Variants in MYO6 observed in about 807,000 individuals in gnomAD.
The protein encoded by MYO6 is unconventional myosin-VI.
A neutral mutation model predicts 178.7 loss-of-function variants in MYO6; 74 were observed. The observed-to-expected ratio is 0.41, with a 90% confidence interval of 0.34 to 0.50. The LOEUF is 0.50. Among genes scored for constraint, MYO6 ranks in the 20% least tolerant of loss-of-function variants. MYO6 has a pLI of 0.09. For synonymous variants in MYO6, 477 were observed against 504.6 expected, an observed-to-expected ratio of 0.95 and a Z score of 0.73; for missense variants, 1,330 against 1,547.4, an observed-to-expected ratio of 0.86 and a Z score of 2.36.
chr6:75,853,168 C>G (rs1775429215), intron 11 of MYO6, among the ~76,000 whole-genome samples: 4 of 152,238 alleles, frequency 2.6e-5, no homozygotes, highest in Admixed American at 1.3e-4. Context: ...ATTCTTTGCC[C>G]ATTTATTAAT....
chr6:75,906,918 T>C (rs925787087), intron 30 of MYO6, among the ~76,000 whole-genome samples: 2 of 152,236 alleles, frequency 1.3e-5, no homozygotes, highest in South Asian at 2.1e-4. Flanking sequence ...AGTTTTCTTA[T>C]TACTTATGAG....
chr6:75,868,289 T>C (rs1401965997), intron 18 of MYO6, among the ~76,000 whole-genome samples: 2 of 151,870 alleles, frequency 1.3e-5, no homozygotes, highest in Non-Finnish European at 2.9e-5. Context: ...ATTATGAGTT[T>C]CTGATTCAGT....
intron 1 of MYO6, among the ~76,000 whole-genome samples, chr6:75,806,248 G>A (rs1266548440): frequency 6.6e-6 from 1 of 152,084 alleles, no homozygotes; most frequent in Non-Finnish European, 1.5e-5. Context: ...TTAGCTGGAT[G>A]TGGTGGCACA....
chr6:75,793,040 C>T (rs2150091486), intron 1 of MYO6, among the ~76,000 whole-genome samples: 1 of 152,170 alleles, frequency 6.6e-6, no homozygotes, highest in East Asian at 1.9e-4. Context: ...GATCCTCCCA[C>T]CTCAGTCTCC....
At chr6:75,843,928 A>G (rs1774479970) in intron 9 of MYO6, among the ~76,000 whole-genome samples, 1 of 152,096 alleles carries the variant, frequency 6.6e-6, no homozygotes, top group Admixed American at 6.5e-5. Context: ...GATGAGGTGT[A>G]TTTAATTTGG....
chr6:75,854,389 GA>G (rs1775561206), intron 11 of MYO6, among the ~76,000 whole-genome samples: 1 of 136,470 alleles, frequency 7.3e-6, no homozygotes, highest in South Asian at 2.4e-4. Flanking sequence ...AGTAAATAAG[GA>G]AAAGAGGAAG....
rs147629075 is a variant in MYO6, at chr6:75,866,717, G to A, written c.1770+96G>A. ...GTCACGTGGTTATTAATTATTTCAC[G>A]TGGTTATTTAAATTAAGTAAAATTA... On this transcript the variant is annotated intron_variant, in intron 17 of 34. Coordinates refer to ENST00000369977, the MANE Select transcript of MYO6 (RefSeq NM_004999.4). 1.9e-4 allele frequency: 226 copies of A among 1,218,464 alleles called. No individual in the cohort carries two copies. The African/African-American group carries it at 2.8e-3, about 15-fold the overall frequency. The allele number at this position is 1,218,464 out of a possible 1,614,324, so 75.5% of individuals were successfully genotyped here.
intron 1 of MYO6, among the ~76,000 whole-genome samples, chr6:75,773,488 T>G (rs552572227): frequency 8.7e-4 from 133 of 152,352 alleles, no homozygotes; most frequent in African/African-American, 3.0e-3. Context: ...AGTAGAAGGC[T>G]TGATCTTCAG....
At chr6:75,829,300 G>T (rs1003819559) in intron 4 of MYO6, among the ~76,000 whole-genome samples, 7 of 152,060 alleles carry the variant, frequency 4.6e-5, no homozygotes, top group Non-Finnish European at 5.9e-5. Flanking sequence ...GCATGCATGA[G>T]ACTTTATTCC....
intron 5 of MYO6, among the ~76,000 whole-genome samples, chr6:75,832,312 T>C (rs987968043): frequency 1.3e-5 from 2 of 152,230 alleles, no homozygotes; most frequent in African/African-American, 4.8e-5. Flanking sequence ...CCCACAGATA[T>C]AATCTAGGAA....
intron 1 of MYO6, among the ~76,000 whole-genome samples, chr6:75,787,718 C>CTATATATA (rs1767764340): frequency 2.4e-5 from 1 of 41,828 alleles, no homozygotes; most frequent in Non-Finnish European, 4.4e-5. Flanking sequence ...CTCTCTCTCT[C>CTATATATA]TCTCTCTCTC....
chr6:75,817,561 A>ACC lies in MYO6; in HGVS notation c.14_15insCC (p.Lys5AsnfsTer26). On this transcript the variant is annotated frameshift_variant, in exon 2 of 35. Transcript: ENST00000369977. LOFTEE classifies it high-confidence loss of function. The stretch of plus-strand genomic sequence containing the variant: ...CCTCCTTCAAAAATGGAGGATGGAA[A>ACC]GCCCGTTTGGGCGCCACACCCTACA... 6.2e-7 allele frequency: 1 copy of ACC among 1,614,216 alleles called. No individual in the cohort carries two copies. The highest frequency in any genetic ancestry group is 8.5e-7 in the Non-Finnish European group (1 of 1,180,010).
At chr6:75,844,864 T>C in intron 9 of MYO6, 33 bp from the exon 10 acceptor site, 1 of 1,508,628 alleles carries the variant, frequency 6.6e-7, no homozygotes, top group Non-Finnish European at 9.2e-7. Flanking sequence ...GTGGATCATA[T>C]ATGTTAATTA....
At chr6:75,831,300 T>C (rs1295707055) in intron 5 of MYO6, among the ~76,000 whole-genome samples, 1 of 152,232 alleles carries the variant, frequency 6.6e-6, no homozygotes, top group African/African-American at 2.4e-5. Flanking sequence ...TTTCCCTTCA[T>C]GCTTGTGTTT....
intron 1 of MYO6, among the ~76,000 whole-genome samples, chr6:75,779,244 A>G (rs1766716985): frequency 6.6e-6 from 1 of 151,994 alleles, no homozygotes; most frequent in Non-Finnish European, 1.5e-5. Context: ...TCTCACACCT[A>G]TAATCCTAGC....
intron 25 of MYO6, 132 bp from the exon 26 acceptor site, chr6:75,889,925 A>G (rs1778768809): frequency 1.7e-5 from 13 of 755,378 alleles, no homozygotes; most frequent in African/African-American, 5.4e-5. Context: ...TTAAATTGTA[A>G]AAAACAATAA....
chr6:75,796,627 A>G (rs1471688548), intron 1 of MYO6, among the ~76,000 whole-genome samples: 3 of 124,470 alleles, frequency 2.4e-5, no homozygotes, highest in African/African-American at 8.7e-5. Flanking sequence ...TATGACTCCC[A>G]TCTTTTTTTT....
rs1023091205 is a variant in MYO6, at chr6:75,907,548, GTCAATGTTTTCTTCATGTT to G, written c.3177-54_3177-36del. ...TTATGCATGCTTTCTTGCCTCTTTA[GTCAATGTTTTCTTCATGTT>G]TCTGGTTTAAACATGCAAAAATGTG... On this transcript the variant is annotated intron_variant, in intron 30 of 34. Transcript: ENST00000369977. 6.6e-6 allele frequency: 9 copies of G among 1,354,268 alleles called. No homozygotes were observed. In the African/African-American group the frequency reaches 1.1e-4, roughly 17 times the overall value. The allele number at this position is 1,354,268 out of a possible 1,614,324, so 83.9% of individuals were successfully genotyped here. A position where few individuals can be genotyped will look rare whatever the true frequency, so the allele number is the denominator to read the frequency against.
At position 75,900,580 on chromosome 6, in the gene MYO6, GTTGT is replaced by G. The variant is rs1400965520; in HGVS notation, c.3176+2176_3176+2179del. Among the ~76,000 whole-genome samples the G allele has an allele frequency of 2.0e-5, 3 of 152,004 alleles. No homozygotes were observed. In the East Asian group the frequency reaches 5.8e-4, roughly 29 times the overall value. On this transcript the variant is annotated intron_variant, in intron 30 of 34. Transcript: ENST00000369977. ...TGTCCTTTGCCCACTTTTTGATGGGGTTGTTTGTTTTCTTGTAAATTTGTTTGAG... is the reference window on the plus strand; with the variant it reads ...TGTCCTTTGCCCACTTTTTGATGGGGTTGTTTTCTTGTAAATTTGTTTGAG...
Sources: gnomAD v4.1 joint callset for allele counts (sites outside exome capture counted in the v4.1 genomes callset) on GRCh38, gnomAD v4.1.1 for gene constraint, MANE v1.5 for transcripts, NCBI Gene and HGNC (gene_info 2026-07-23, HGNC 2026-07-21) for gene names.